Variants in NALF1 observed in about 807,000 individuals in gnomAD.
The protein encoded by NALF1 is NALCN channel auxiliary factor 1, also known as family with sequence similarity 155 member A.
Under a neutral mutation model 48.4 loss-of-function variants are expected in NALF1, and 3 were observed. The ratio of observed to expected loss-of-function variants is 0.06; its 90% CI spans 0.03 to 0.16. NALF1 has a LOEUF of 0.16. Among genes scored for constraint, NALF1 ranks in the 10% least tolerant of loss-of-function variants. The pLI, the probability that NALF1 is intolerant of heterozygous loss-of-function variation, is 1.00. For missense variants in NALF1, 526 were observed against 571.5 expected (o/e 0.92, Z 0.81); for synonymous variants, 262 against 245.7 (o/e 1.07, Z -0.62).
intron 1 of NALF1, among the ~76,000 whole-genome samples, chr13:107,790,499 A>T (rs933019947): frequency 6.6e-6 from 1 of 152,192 alleles, no homozygotes; most frequent in Admixed American, 6.5e-5. Flanking sequence ...CATCTCCTAT[A>T]TGATGAAGTT....
rs1012600557 is a variant in NALF1, at chr13:107,522,348, C to T, written c.916-311593G>A. On this transcript the variant is annotated intron_variant, in intron 1 of 2. Coordinates refer to ENST00000375915, the MANE Select transcript of NALF1 (RefSeq NM_001080396.3). ...TCCATATAGACGGCTCATCTTATACCACTTCTTACAGTGTTTCTCTCCAAT... is the reference window on the plus strand; with the variant it reads ...TCCATATAGACGGCTCATCTTATACTACTTCTTACAGTGTTTCTCTCCAAT... Among the ~76,000 whole-genome samples the T allele has an allele frequency of 5.4e-4, 82 of 151,986 alleles. 2 individuals carry two copies. The highest frequency in any genetic ancestry group is 5.0e-3 in the Admixed American group (77 of 15,250).
At chr13:107,529,821 C>T (rs1876567098) in intron 1 of NALF1, among the ~76,000 whole-genome samples, 1 of 151,964 alleles carries the variant, frequency 6.6e-6, no homozygotes, top group African/African-American at 2.4e-5. Context: ...CTAAGAGCAA[C>T]AGAATGTTGG....
chr13:107,389,183 G>T (rs146284685), intron 1 of NALF1, among the ~76,000 whole-genome samples: 2 of 152,156 alleles, frequency 1.3e-5, no homozygotes, highest in Admixed American at 1.3e-4. Context: ...AGTAGCCAAC[G>T]GCTCACTTCG....
At chr13:107,458,170 A>G (rs7986633) in intron 1 of NALF1, among the ~76,000 whole-genome samples, 9,376 of 152,298 alleles carry the variant, frequency 0.062, 673 homozygotes, top group African/African-American at 0.17. Flanking sequence ...ATAAAGAAAC[A>G]GTATATTCTA....
In NALF1 at chr13:107,383,426, C is replaced by T. The variant is rs184611325; in HGVS notation, c.916-172671G>A. Among the ~76,000 whole-genome samples the T allele has an allele frequency of 2.6e-3, 392 of 152,244 alleles. 3 individuals carry two copies. The highest frequency in any genetic ancestry group is 8.5e-3 in the African/African-American group (352 of 41,548). On this transcript the variant is annotated intron_variant, in intron 1 of 2. Coordinates refer to ENST00000375915, the MANE Select transcript of NALF1 (RefSeq NM_001080396.3). ...CTCCTGACCTGATTAGAATTTAACA[C>T]AGTTATTCAATTCACATATCTATCA...
chr13:107,589,120 CAAG>C (rs751844213), intron 1 of NALF1, among the ~76,000 whole-genome samples: 1 of 151,968 alleles, frequency 6.6e-6, no homozygotes, highest in Non-Finnish European at 1.5e-5. Flanking sequence ...AATGAATTCT[CAAG>C]AAGTCAAGAA....
At chr13:107,177,564 GA>G (rs59299240) in intron 2 of NALF1, among the ~76,000 whole-genome samples, 4,006 of 152,180 alleles carry the variant, frequency 0.026, 202 homozygotes, top group African/African-American at 0.092. Flanking sequence ...CAATGGAACA[GA>G]ATAGAGAACC....
At chr13:107,748,637 T>C (rs1213291953) in intron 1 of NALF1, among the ~76,000 whole-genome samples, 5 of 152,230 alleles carry the variant, frequency 3.3e-5, no homozygotes, top group Non-Finnish European at 7.3e-5. Context: ...TAGTCAACAA[T>C]ATATTTTGAA....
At chr13:107,647,253 A>C (rs1880337214) in intron 1 of NALF1, among the ~76,000 whole-genome samples, 1 of 152,084 alleles carries the variant, frequency 6.6e-6, no homozygotes, top group African/African-American at 2.4e-5. Flanking sequence ...CCCTGGAAAA[A>C]TACAAGAACA....
At chr13:107,209,016 A>G (rs1879703249) in intron 2 of NALF1, among the ~76,000 whole-genome samples, 1 of 152,196 alleles carries the variant, frequency 6.6e-6, no homozygotes, top group South Asian at 2.1e-4. Flanking sequence ...TGGCTGGTCA[A>G]TGACATAACT....
chr13:107,607,649 G>T (rs1314621119), intron 1 of NALF1, among the ~76,000 whole-genome samples: 1 of 152,124 alleles, frequency 6.6e-6, no homozygotes, highest in Non-Finnish European at 1.5e-5. Flanking sequence ...GTGATATCGG[G>T]GTGTCTCCCT....
At chr13:107,246,369 A>G (rs1880585057) in intron 1 of NALF1, among the ~76,000 whole-genome samples, 1 of 151,870 alleles carries the variant, frequency 6.6e-6, no homozygotes, top group South Asian at 2.1e-4. Flanking sequence ...TCATGAAGAG[A>G]ACAAAACAGA....
chr13:107,599,421 C>CAA (rs59715915), intron 1 of NALF1, among the ~76,000 whole-genome samples: 1,588 of 122,056 alleles, frequency 0.013, 33 homozygotes, highest in African/African-American at 0.03. Flanking sequence ...GACTCCGTCT[C>CAA]AAAAAAAAAA....
At chr13:107,637,953 G>A (rs11617225) in intron 1 of NALF1, among the ~76,000 whole-genome samples, 89,607 of 151,272 alleles carry the variant, frequency 0.59, 28,525 homozygotes, top group East Asian at 0.99. Context: ...ATTAGCCTTA[G>A]AAACGTCACC....
chr13:107,474,103 T>A (rs982200976), intron 1 of NALF1, among the ~76,000 whole-genome samples: 1 of 152,166 alleles, frequency 6.6e-6, no homozygotes, highest in Non-Finnish European at 1.5e-5. Context: ...ACTACTTTTC[T>A]CAATAAGAAC....
chr13:107,565,421 T>C (rs1877781261), intron 1 of NALF1, among the ~76,000 whole-genome samples: 1 of 149,390 alleles, frequency 6.7e-6, no homozygotes, highest in South Asian at 2.1e-4. Flanking sequence ...TTAAGGACTA[T>C]AATAGGATAA....
intron 1 of NALF1, among the ~76,000 whole-genome samples, chr13:107,563,676 T>C (rs539399994): frequency 3.3e-5 from 5 of 152,334 alleles, no homozygotes; most frequent in South Asian, 2.1e-4. Context: ...TTTGAAGACA[T>C]TGCAGCTAAA....
intron 2 of NALF1, among the ~76,000 whole-genome samples, chr13:107,185,200 G>C (rs1156494541): frequency 6.6e-6 from 1 of 152,136 alleles, no homozygotes; most frequent in Non-Finnish European, 1.5e-5. Flanking sequence ...CTATCCTGCT[G>C]ACATCTTGAC....
At chr13:107,463,194 GT>G (rs1884948022) in intron 1 of NALF1, among the ~76,000 whole-genome samples, 2 of 152,158 alleles carry the variant, frequency 1.3e-5, no homozygotes, top group African/African-American at 4.8e-5. Flanking sequence ...ATTCCTAAAT[GT>G]TTTTTGACAT....
Sources: allele counts gnomAD v4.1 joint callset (sites outside exome capture counted in the v4.1 genomes callset), GRCh38; gene constraint gnomAD v4.1.1; transcripts MANE v1.5; gene names NCBI Gene and HGNC (gene_info 2026-07-23, HGNC 2026-07-21).